The following HHATL variants were observed in gnomAD, a reference collection of about 807,000 sequenced individuals.
HHATL encodes protein-cysteine N-palmitoyltransferase HHAT-like protein.
A neutral mutation model predicts 59.7 loss-of-function variants in HHATL; 49 were observed. The observed-to-expected ratio is 0.82, with a 90% CI of 0.65 to 1.04. The LOEUF is 1.04. Ranked by LOEUF, HHATL falls within the 50% of genes least tolerant of loss-of-function variation. The pLI is 0.00. For synonymous variants in HHATL, 238 were observed against 257.3 expected (o/e 0.93, Z 0.72); for missense variants, 605 against 650.8 (o/e 0.93, Z 0.77).
intron 9 of HHATL, among the ~76,000 whole-genome samples, chr3:42,696,197 C>T (rs1239118286): frequency 6.6e-6 from 1 of 152,192 alleles, no homozygotes; most frequent in Non-Finnish European, 1.5e-5. Flanking sequence ...CAGGGTGGCA[C>T]ATGACCTTGA....
chr3:42,693,520 G>T, intron 10 of HHATL, 97 bp downstream of exon 10: 1 of 1,082,400 alleles, frequency 9.2e-7, no homozygotes, highest in Non-Finnish European at 1.4e-6. Context: ...GAAAGTTCTG[G>T]ATTAGGGGCC....
At chr3:42,693,494 A>G in intron 10 of HHATL, 123 bp downstream of exon 10, 4 of 885,052 alleles carry the variant, frequency 4.5e-6, no homozygotes, top group Non-Finnish European at 7.0e-6. Context: ...TCTGACAACT[A>G]AGAGGGTGGT....
intron 2 of HHATL, among the ~76,000 whole-genome samples, chr3:42,700,168 G>C: frequency 6.9e-6 from 1 of 145,320 alleles, no homozygotes; most frequent in Non-Finnish European, 1.5e-5. Context: ...AGGACTCTGT[G>C]TGTGTGTGTG....
Position 42,693,889 on chromosome 3 carries a change from C to T in HHATL, c.1047-71G>A, listed in dbSNP as rs1274794101. 3.1e-6 allele frequency: 4 copies of T among 1,292,892 alleles called. No homozygotes were observed. The Admixed American group carries it at 5.2e-5, about 17-fold the overall frequency. 80.1% of individuals were successfully genotyped at this position (1,292,892 alleles called of 1,614,324 possible). A position where few individuals can be genotyped will look rare whatever the true frequency, so the allele number is the denominator to read the frequency against. On this transcript the variant is annotated intron_variant, in intron 9 of 11. Coordinates refer to ENST00000441594, the MANE Select transcript of HHATL (RefSeq NM_020707.4). ...CAGGGATGAGATGGGAGAGGACACA[C>T]AACAGGGCGTCCTCCTCAACACTGT...
intron 4 of HHATL, 57 bp from the exon 5 acceptor site, chr3:42,698,959 AG>A: frequency 6.2e-7 from 1 of 1,606,384 alleles, no homozygotes; most frequent in East Asian, 2.2e-5. Context: ...TGACCCCAGG[AG>A]GGGGTTCCCA....
rs9837412 is a variant in HHATL at position 42,701,078 on chromosome 3, C to A, written c.-13-239G>T. 2 of 497,698 alleles carry A rather than the reference C, an allele frequency of 4.0e-6. No individual in the cohort carries two copies. Among genetic ancestry groups the A allele is most frequent in the Admixed American group, 3.3e-5 (1 of 30,412 alleles). 30.8% of individuals were successfully genotyped at this position (497,698 alleles called of 1,614,324 possible). A position where few individuals can be genotyped will look rare whatever the true frequency, so the allele number is the denominator to read the frequency against. On this transcript the variant is annotated intron_variant, in intron 1 of 11. Transcript: ENST00000441594. This position sits in a 1 kb window ranked among gnomAD's most constrained non-coding sequence, Gnocchi z 5.1. ...CACCCCACCCATCAAGGCTCTTGCC[C>A]GCAGAGCCCTCACTCGCAGCCTGCC... is the stretch of plus-strand genomic sequence containing the variant.
rs1303209115 is a variant in HHATL, at chr3:42,700,852, G to T, written c.-13-13C>A. 6.4e-7 allele frequency: 1 copy of T among 1,567,110 alleles called. No homozygotes were observed. The highest frequency in any genetic ancestry group is 8.8e-7 in the Non-Finnish European group (1 of 1,138,654). On this transcript the variant is annotated splice_polypyrimidine_tract_variant and intron_variant, in intron 1 of 11. Coordinates refer to ENST00000441594, the MANE Select transcript of HHATL (RefSeq NM_020707.4). ...AGCCTGGACAGGGCTGGGGAGACAG[G>T]TTGGGTGAGGGAATTACAGTCTCCA...
rs373193288 is a variant in HHATL at position 42,699,131 on chromosome 3, G to T, written c.189C>A (p.Phe63Leu). 1 of 1,613,888 alleles carries T rather than the reference G, an allele frequency of 6.2e-7. No homozygotes were observed. Among genetic ancestry groups the T allele is most frequent in the Non-Finnish European group, 8.5e-7 (1 of 1,179,814 alleles). The change falls in exon 4 of 12, where the codon TTC (phenylalanine) becomes TTA (leucine). Residue 63 changes from phenylalanine to leucine, a missense_variant. Physicochemically the swap from Phe to Leu is conservative, Grantham distance 22 (BLOSUM62 0). Transcript: ENST00000441594. ...AGGAGGTGAACCACATCACCCACTCGAAGTCAGCCACATCCTGGGGCAGTC... is the reference window on the plus strand; with the variant it reads ...AGGAGGTGAACCACATCACCCACTCTAAGTCAGCCACATCCTGGGGCAGTC... ...YIGRKMDVAD[F>L]EWVMWFTSFR...
chr3:42,700,790 C>A lies in HHATL; in HGVS notation c.37G>T (p.Gly13Cys), dbSNP rs375313078. Residue 13 changes from glycine to cysteine, a missense_variant, in exon 2 of 12, where the codon GGC becomes TGC. Physicochemically the swap from Gly to Cys is radical, Grantham distance 159. Transcript: ENST00000441594. ...IKTALPAAEL[G>C]LYSLVLSGAL... is the part of the protein sequence containing the mutation. ...CCACTCAGCACCAGAGAGTAGAGGC[C>A]CAGCTCAGCCGCCGGCAATGCTGTC... 61 of 1,613,880 alleles carry A rather than the reference C, an allele frequency of 3.8e-5. No homozygotes were observed. Among genetic ancestry groups the A allele is most frequent in the Non-Finnish European group, 4.6e-5 (54 of 1,179,884 alleles).
In HHATL at chr3:42,693,068, G is replaced by A. The variant is rs1483070714; in HGVS notation, c.1390+9C>T. The A allele has an allele frequency of 6.2e-7, 1 of 1,614,116 alleles. No individual in the cohort carries two copies. Among genetic ancestry groups the A allele is most frequent in the East Asian group, 2.2e-5 (1 of 44,886 alleles). ...GCACCTTCTGTATCCCCACACCCCT[G>A]TCCCTCACCTGTGAGTAGCAGGCGC... On this transcript the variant is annotated intron_variant, in intron 11 of 11. Transcript: ENST00000441594.
chr3:42,697,664 G>T lies in HHATL; in HGVS notation c.709C>A (p.Pro237Thr), dbSNP rs769504306. ...CACAGCTCACCCTCGCGTCTCACTG[G>T]CTCCACCTGGCTCACCTGGGGGGAT... Reference protein sequence around the residue: ...RFHAQVSQVEPVRREGELWHI... With the variant: ...RFHAQVSQVETVRREGELWHI... Residue 237 changes from proline (P) to threonine (T), a missense_variant, in exon 7 of 12, where the codon CCA becomes ACA. Pro to Thr is a conservative substitution (Grantham distance 38, BLOSUM62 -1). Coordinates refer to ENST00000441594, the MANE Select transcript of HHATL (RefSeq NM_020707.4). The T allele has an allele frequency of 5.0e-6, 8 of 1,613,548 alleles. No homozygotes were observed. The South Asian group carries it at 6.6e-5, about 13-fold the overall frequency.
In HHATL at chr3:42,698,723, G is replaced by A; in HGVS notation, c.468C>T (p.Pro156=). ...CAGTTCACACCTGCCAAGAGATTAG[G>A]GGGTCCATCTTGAAGGAGGCCAGGC... ...LASLASFKMD[P]LISWQSGFVT... The change falls in exon 5 of 12, where the codon CCC becomes CCT. Residue 156 remains proline (P), a synonymous_variant. Transcript: ENST00000441594. 1 of 1,578,112 alleles carries A rather than the reference G, an allele frequency of 6.3e-7. No homozygotes were observed. The highest frequency in any genetic ancestry group is 8.6e-7 in the Non-Finnish European group (1 of 1,166,628).
At chr3:42,700,659 G>C in intron 2 of HHATL, 62 bp downstream of exon 2, 1 of 1,148,790 alleles carries the variant, frequency 8.7e-7, no homozygotes, top group Non-Finnish European at 1.3e-6. Flanking sequence ...TTGCTGGTTG[G>C]AACCCTGAGG....
Position 42,699,149 on chromosome 3 carries a change from G to A in HHATL, c.175-4C>T, listed in dbSNP as rs1463003871. ...CCCACTCGAAGTCAGCCACATCCTG[G>A]GGCAGTCCGGGGCAGAAGGAGGTGG... On this transcript the variant is annotated splice_region_variant and splice_polypyrimidine_tract_variant and intron_variant, in intron 3 of 11. Coordinates refer to ENST00000441594, the MANE Select transcript of HHATL (RefSeq NM_020707.4). The A allele has an allele frequency of 2.5e-6, 4 of 1,608,990 alleles. No individual in the cohort carries two copies. The highest frequency in any genetic ancestry group is 4.5e-5 in the East Asian group (2 of 44,870).
chr3:42,692,953 C>T (rs975253553), intron 11 of HHATL, 78 bp from the exon 12 acceptor site: 8 of 1,583,256 alleles, frequency 5.1e-6, no homozygotes, highest in Admixed American at 1.7e-5. Flanking sequence ...CCCCTCTCCC[C>T]GCTTGATGGG....
At position 42,698,318 on chromosome 3, in the gene HHATL, C is replaced by T. The variant is rs1697743279; in HGVS notation, c.517G>A (p.Glu173Lys). The T allele has an allele frequency of 6.2e-7, 1 of 1,613,312 alleles. No individual in the cohort carries two copies. Among genetic ancestry groups the T allele is most frequent in the South Asian group, 1.1e-5 (1 of 91,058 alleles). Residue 173 changes from glutamate (E) to lysine (K), a missense_variant, in exon 6 of 12, where the codon GAG (glutamate) becomes AAG (lysine). Coordinates refer to ENST00000441594, the MANE Select transcript of HHATL (RefSeq NM_020707.4). ...CTGCTGCCCCCATGAAACAGCACCTCTTGAAGATCAAAAGTGCCTGTTACA... is the reference window on the plus strand; with the variant it reads ...CTGCTGCCCCCATGAAACAGCACCTTTTGAAGATCAAAAGTGCCTGTTACA... The part of the protein sequence containing the change: ...GFVTGTFDLQ[E>K]VLFHGGSSFT...
intron 10 of HHATL, 143 bp from the exon 11 acceptor site, chr3:42,693,361 C>T: frequency 9.4e-7 from 1 of 1,063,378 alleles, no homozygotes. Context: ...GCTCTCCCTC[C>T]TTGTTAAACA....
chr3:42,697,366 G>A lies in HHATL; in HGVS notation c.865+142C>T, dbSNP rs546993514. The A allele has an allele frequency of 1.0e-3, 1,105 of 1,102,076 alleles. 2 individuals are homozygous for A. The highest frequency in any genetic ancestry group is 1.4e-3 in the Non-Finnish European group (1,065 of 763,460). 68.3% of individuals were successfully genotyped at this position (1,102,076 alleles called of 1,614,324 possible). ...AGCTAATGCCAAGACCCATGCATTA[G>A]AAAGAATAAGCCCCTGCTCCCACGC... On this transcript the variant is annotated intron_variant, in intron 7 of 11. Transcript: ENST00000441594.
Position 42,697,095 on chromosome 3 carries a change from G to A in HHATL, c.916C>T (p.Leu306Phe). The change falls in exon 8 of 12, where the codon CTC (leucine) becomes TTC (phenylalanine). Residue 306 changes from leucine to phenylalanine, a missense_variant. Transcript: ENST00000441594. ...LVYDWVKAAVLFGVVNTVACL... is the reference protein window; with the variant it reads ...LVYDWVKAAVFFGVVNTVACL... ...GCCACAGTGTTGACAACACCAAAGA[G>A]GACGGCCGCCTTCACCCAGTCATAC... The A allele has an allele frequency of 1.3e-6, 2 of 1,564,772 alleles. No individual in the cohort carries two copies. The highest frequency in any genetic ancestry group is 1.7e-6 in the Non-Finnish European group (2 of 1,153,882).
Sources: allele counts gnomAD v4.1 joint callset (sites outside exome capture counted in the v4.1 genomes callset), GRCh38; gene constraint gnomAD v4.1.1; non-coding constraint Gnocchi (gnomAD v3.1); transcripts MANE v1.5; gene names NCBI Gene and HGNC (gene_info 2026-07-23, HGNC 2026-07-21).